CAST: variants seen among roughly 807,000 people sequenced by gnomAD.
The protein encoded by CAST is calpastatin.
CAST carries 76 observed loss-of-function variants against 119.6 expected under a neutral mutation model. The observed-to-expected ratio is 0.64, with a 90% CI of 0.53 to 0.77. CAST has a LOEUF of 0.77. Ranked by LOEUF, CAST falls within the 30% of genes least tolerant of loss-of-function variation. The pLI is 0.00. For missense variants in CAST, 953 were observed against 946.5 expected (o/e 1.01, Z -0.09); for synonymous variants, 319 against 331.6 (o/e 0.96, Z 0.41).
intron 21 of CAST, 78 bp from the exon 22 acceptor site, chr5:96,754,580 C>T (rs1174412980): frequency 4.7e-6 from 4 of 847,226 alleles, no homozygotes; most frequent in Non-Finnish European, 7.9e-6. Context: ...TTGTTTACCT[C>T]AAATCTAGTC....
At chr5:96,243,125 C>G in the CAST span, among the ~76,000 whole-genome samples, 1 of 151,642 alleles carries the variant, frequency 6.6e-6, no homozygotes, top group South Asian at 2.1e-4. Flanking sequence ...TGGTTTCCAC[C>G]CTTCTCAAAG....
chr5:96,497,451 G>A, the CAST span, among the ~76,000 whole-genome samples: 2 of 152,062 alleles, frequency 1.3e-5, no homozygotes, highest in Non-Finnish European at 2.9e-5. Flanking sequence ...CTTCCACAAT[G>A]GTTGAACTAG....
the CAST span, among the ~76,000 whole-genome samples, chr5:96,437,038 G>C: frequency 6.6e-6 from 1 of 152,198 alleles, no homozygotes; most frequent in African/African-American, 2.4e-5. Flanking sequence ...AGTTCCAAGA[G>C]CTCAGCAACA....
chr5:96,520,252 A>G, the CAST span, among the ~76,000 whole-genome samples: 1 of 152,166 alleles, frequency 6.6e-6, no homozygotes, highest in Non-Finnish European at 1.5e-5. Flanking sequence ...CTGTTTCCCA[A>G]CACTGATTTG....
At chr5:96,425,037 AAAGAAAGAAAGAAAG>A in the CAST span, among the ~76,000 whole-genome samples, 13 of 141,216 alleles carry the variant, frequency 9.2e-5, 1 homozygote, top group African/African-American at 3.8e-4. Flanking sequence ...AGAAAGAAAG[AAAGAAAGAAAGAAAG>A]AAAGAAAGAA....
In CAST at chr5:96,630,935, T is replaced by TA. The variant is rs1239380080; in HGVS notation, c.61-44596dup. ...TGGTCTACAATTGATTCTTGTATAC[T>TA]AAAAAAAATTTTTTTAAATAATCTC... On this transcript the variant is annotated intron_variant, in intron 1 of 11. Coordinates refer to the CAST transcript ENST00000505143. 8.0e-5 allele frequency: 8 copies of TA among 100,100 alleles called. 1 individual carries two copies. In the East Asian group the frequency reaches 8.5e-4, roughly 11 times the overall value. The allele number at this position is 100,100 out of a possible 1,614,324, so 6.2% of individuals were successfully genotyped here. A position where few individuals can be genotyped will look rare whatever the true frequency, so the allele number is the denominator to read the frequency against.
In CAST at chr5:96,767,995, C is replaced by A; in HGVS notation, c.2264C>A (p.Ala755Glu). The A allele has an allele frequency of 6.3e-7, 1 of 1,599,664 alleles. No homozygotes were observed. Among genetic ancestry groups the A allele is most frequent in the Non-Finnish European group, 8.6e-7 (1 of 1,166,992 alleles). ...PSTTETSQNTAKDKCKKAASS... is the reference protein window; with the variant it reads ...PSTTETSQNTEKDKCKKAASS... ...ACTACAGAAACCTCACAGAACACAG[C>A]AAAGGTACTGTGCTTTTTCACATTT... Residue 755 changes from alanine (A) to glutamate (E), a missense_variant, in exon 29 of 32, where the codon GCA becomes GAA. Transcript: ENST00000675179.
At chr5:96,698,402 A>T (rs1753543030) in intron 3 of CAST, among the ~76,000 whole-genome samples, 1 of 152,108 alleles carries the variant, frequency 6.6e-6, no homozygotes, top group South Asian at 2.1e-4. Context: ...TAAAAACACC[A>T]TCCTCTCCCA....
the CAST span, among the ~76,000 whole-genome samples, chr5:96,097,346 AACTTTT>A: frequency 1.6e-5 from 2 of 122,356 alleles, no homozygotes; most frequent in East Asian, 2.1e-4. Context: ...TTTTTTTTTT[AACTTTT>A]ACTTTAAGTT....
chr5:96,178,439 C>T, the CAST span, among the ~76,000 whole-genome samples: 2 of 152,122 alleles, frequency 1.3e-5, no homozygotes, highest in Admixed American at 1.3e-4. Flanking sequence ...ATTGTATTCA[C>T]TTCTTTATTT....
At chr5:96,619,315 T>C (rs966567452) in intron 1 of CAST, among the ~76,000 whole-genome samples, 82 of 152,252 alleles carry the variant, frequency 5.4e-4, no homozygotes, top group Non-Finnish European at 9.8e-4. Flanking sequence ...CAATCAGCAC[T>C]CTGTGTCTAG....
chr5:95,993,407 T>C, the CAST span, among the ~76,000 whole-genome samples: 2 of 152,332 alleles, frequency 1.3e-5, no homozygotes, highest in African/African-American at 2.4e-5. Context: ...GATTTTGTAC[T>C]GCAAGGGACA....
In CAST at chr5:96,670,713, G is replaced by C. The variant is rs559838031; in HGVS notation, c.76-4826G>C. On this transcript the variant is annotated intron_variant, in intron 1 of 31. Coordinates refer to ENST00000675179, the MANE Select transcript of CAST (RefSeq NM_001750.7). Reference sequence around the variant, plus strand: ...GGGTTTTACCATATTGGCCAGGCTGGTCTCGAACTCCTGATCTCCTGATCT... The same window carrying C: ...GGGTTTTACCATATTGGCCAGGCTGCTCTCGAACTCCTGATCTCCTGATCT... 7.9e-5 allele frequency among the ~76,000 whole-genome samples: 12 copies of C among 152,334 alleles called. No individual in the cohort carries two copies. The East Asian group carries it at 2.3e-3, about 29-fold the overall frequency.
At chr5:96,065,725 C>T in the CAST span, among the ~76,000 whole-genome samples, 2 of 152,102 alleles carry the variant, frequency 1.3e-5, no homozygotes, top group Non-Finnish European at 2.9e-5. Context: ...CTGGTTTAGC[C>T]CCTCAGCCTG....
At chr5:96,092,496 G>A in the CAST span, among the ~76,000 whole-genome samples, 98,944 of 152,028 alleles carry the variant, frequency 0.65, 32,527 homozygotes, top group African/African-American at 0.71. Context: ...GTTAGGCTTA[G>A]GTTTTCATGT....
chr5:96,602,339 C>T (rs1195204423), intron 1 of CAST, among the ~76,000 whole-genome samples: 1 of 152,182 alleles, frequency 6.6e-6, no homozygotes. Flanking sequence ...CTGTGCCAGG[C>T]CCTGGAATGA....
At chr5:96,271,276 A>G in the CAST span, among the ~76,000 whole-genome samples, 1 of 152,206 alleles carries the variant, frequency 6.6e-6, no homozygotes, top group African/African-American at 2.4e-5. Flanking sequence ...GAACCACATA[A>G]GGCCTCAAAT....
At chr5:96,414,502 A>G in the CAST span, among the ~76,000 whole-genome samples, 2 of 152,212 alleles carry the variant, frequency 1.3e-5, no homozygotes, top group African/African-American at 4.8e-5. Context: ...TACACTGCCT[A>G]TAATATTTGT....
chr5:96,098,705 A>T, the CAST span, among the ~76,000 whole-genome samples: 1 of 152,162 alleles, frequency 6.6e-6, no homozygotes, highest in Non-Finnish European at 1.5e-5. Context: ...TACCAGTACC[A>T]TGCTTTTTTG....
Sources: allele counts gnomAD v4.1 joint callset (sites outside exome capture counted in the v4.1 genomes callset), GRCh38; gene constraint gnomAD v4.1.1; transcripts MANE v1.5; gene names NCBI Gene and HGNC (gene_info 2026-07-23, HGNC 2026-07-21).